The following ZMYM6 variants were observed in gnomAD, a reference collection of about 807,000 sequenced individuals.
ZMYM6 encodes zinc finger MYM-type containing 6.
In ZMYM6, 90 loss-of-function variants were observed where a neutral mutation model predicts 134.0. The observed-to-expected ratio is 0.67, with a 90% CI of 0.57 to 0.80. The LOEUF (loss-of-function observed/expected upper bound fraction) is 0.80, where lower values mean the gene tolerates loss of function less well. Ranked by LOEUF, ZMYM6 falls within the 30% of genes least tolerant of loss-of-function variation. ZMYM6 has a pLI of 0.00. For synonymous variants in ZMYM6, 481 were observed against 524.1 expected, an observed-to-expected ratio of 0.92 and a Z score of 1.12; for missense variants, 1,362 against 1,533.9, an observed-to-expected ratio of 0.89 and a Z score of 1.87.
At chr1:35,029,871 T>C (rs1641485643) in intron 2 of ZMYM6, among the ~76,000 whole-genome samples, 1 of 152,176 alleles carries the variant, frequency 6.6e-6, no homozygotes, top group African/African-American at 2.4e-5. Flanking sequence ...TCATAGTTTG[T>C]AATTATATAT....
intron 2 of ZMYM6, among the ~76,000 whole-genome samples, chr1:35,025,934 T>A (rs534867927): frequency 6.6e-6 from 1 of 152,322 alleles, no homozygotes; most frequent in South Asian, 2.1e-4. Flanking sequence ...CTCACAACAA[T>A]GTTCAAGTAT....
At position 35,011,948 on chromosome 1, in the gene ZMYM6, G is replaced by C. The variant is rs1641094140; in HGVS notation, c.1004C>G (p.Ala335Gly). 6.2e-7 allele frequency: 1 copy of C among 1,610,948 alleles called. No homozygotes were observed. ...GCTGTATATAGTTCCATTTGACATG[G>C]CTAGGTGATACTGAGGGATTGCTGA... ...KTSAIPQYHL[A>G]MSNGTIYSFC... The change falls in exon 8 of 16, where the codon GCC becomes GGC. Residue 335 changes from alanine to glycine, a missense_variant. Physicochemically the swap from Ala to Gly is moderately conservative, Grantham distance 60. Transcript: ENST00000357182.
chr1:35,005,212 G>A lies in ZMYM6; in HGVS notation c.1874C>T (p.Thr625Ile). The change falls in exon 13 of 16, where the codon ACA (threonine) becomes ATA (isoleucine). Residue 625 changes from threonine to isoleucine, a missense_variant. By Grantham distance (89) the Thr-to-Ile change is moderately conservative. This residue lies in a region of ZMYM6 where 824 missense variants were observed against 940.9 expected (regional missense o/e 0.88). Transcript: ENST00000357182. ...TELPSARTDT[T>I]PVITSVMSLA... ...TGACATCACACTGGTTATAACTGGT[G>A]TTGTATCTGTCCTTGCAGAAGGGAG... 2 of 1,614,126 alleles carry A rather than the reference G, an allele frequency of 1.2e-6. No individual in the cohort carries two copies. Among genetic ancestry groups the A allele is most frequent in the East Asian group, 2.2e-5 (1 of 44,880 alleles).
At chr1:35,016,939 A>T (rs1236979876) in intron 4 of ZMYM6, among the ~76,000 whole-genome samples, 1 of 151,936 alleles carries the variant, frequency 6.6e-6, no homozygotes, top group Non-Finnish European at 1.5e-5. Context: ...CGGGAGGTAG[A>T]GGCTGCAGTG....
chr1:35,003,829 T>C (rs1640919614), intron 14 of ZMYM6, 139 bp downstream of exon 14: 2 of 700,680 alleles, frequency 2.9e-6, no homozygotes, highest in African/African-American at 1.8e-5. Flanking sequence ...TTACTGTTAG[T>C]TGTGCCCAAG....
At chr1:35,009,782 A>G (rs1362237075) in intron 10 of ZMYM6, among the ~76,000 whole-genome samples, 1 of 151,910 alleles carries the variant, frequency 6.6e-6, no homozygotes, top group African/African-American at 2.4e-5. Flanking sequence ...CAAAAATAAA[A>G]AAAATTAGCC....
chr1:34,991,973 T>A, intron 15 of ZMYM6: 1 of 452,836 alleles, frequency 2.2e-6, no homozygotes, highest in Non-Finnish European at 4.0e-6. Flanking sequence ...TTCGCAGTAT[T>A]TAAAAAAAAA....
Position 34,987,188 on chromosome 1 carries a change from AT to A in ZMYM6, c.3893del (p.Asn1298IlefsTer9). On this transcript the variant is annotated frameshift_variant, in exon 16 of 16. Coordinates refer to ENST00000357182, the MANE Select transcript of ZMYM6 (RefSeq NM_007167.4). LOFTEE classifies it high-confidence loss of function. ...TTAGGGCAGGGCCAGAACCCAACAG[AT>A]TTTTTTGTTTTGACTCAGTCAAAGC... ...FSALTESKQK[N>X]LLGSGPALRL... 1 of 1,612,666 alleles carries A rather than the reference AT, an allele frequency of 6.2e-7. No individual in the cohort carries two copies.
intron 2 of ZMYM6, among the ~76,000 whole-genome samples, chr1:35,022,265 CTGTTT>C (rs1176809511): frequency 6.6e-6 from 1 of 152,090 alleles, no homozygotes; most frequent in Non-Finnish European, 1.5e-5. Flanking sequence ...CCCAGTCTCT[CTGTTT>C]TGTTTTTTTT....
intron 4 of ZMYM6, chr1:35,018,437 C>T (rs866741899): frequency 6.6e-6 from 1 of 151,774 alleles, no homozygotes; most frequent in Middle Eastern, 3.4e-3. Context: ...AAAATAGGGG[C>T]CTACAAGTGA....
In ZMYM6 at chr1:35,010,823, C is replaced by T. The variant is rs748001989; in HGVS notation, c.1276G>A (p.Val426Ile). Residue 426 changes from valine (V) to isoleucine (I), a missense_variant, in exon 9 of 16, where the codon GTT becomes ATT. Physicochemically the swap from Val to Ile is conservative, Grantham distance 29. This residue lies in a region of ZMYM6 where 503 missense variants were observed against 520.8 expected (regional missense o/e 0.97). Coordinates refer to ENST00000357182, the MANE Select transcript of ZMYM6 (RefSeq NM_007167.4). ...SQQVALTHTV[V>I]KLKCQHCNHL... ...TTACAGTGCTGACACTTGAGTTTAACAACTGTATGGGTTAAAGCAACTTGC... is the reference window on the plus strand; with the variant it reads ...TTACAGTGCTGACACTTGAGTTTAATAACTGTATGGGTTAAAGCAACTTGC... The T allele has an allele frequency of 2.3e-5, 37 of 1,607,216 alleles. No homozygotes were observed. In the Admixed American group the frequency reaches 6.2e-4, roughly 27 times the overall value.
intron 14 of ZMYM6, among the ~76,000 whole-genome samples, chr1:35,001,156 T>G (rs1349346558): frequency 1.3e-5 from 2 of 152,202 alleles, no homozygotes; most frequent in Non-Finnish European, 2.9e-5. Context: ...TTCCTCTTTG[T>G]AATTTTCTGT....
In ZMYM6 at chr1:34,987,661, A is replaced by G. The variant is rs1640598633; in HGVS notation, c.3421T>C (p.Cys1141Arg). The change falls in exon 16 of 16, where the codon TGT becomes CGT. Residue 1141 changes from cysteine to arginine, a missense_variant. Coordinates refer to ENST00000357182, the MANE Select transcript of ZMYM6 (RefSeq NM_007167.4). ...QGTLTTFFNL[C>R]NKIDVFKRKL... The stretch of plus-strand genomic sequence containing the variant: ...CTCTTAAATACATCAATTTTATTAC[A>G]CAAATTGAAGAAAGTAGTCAAAGTT... The G allele has an allele frequency of 6.4e-7, 1 of 1,558,450 alleles. No homozygotes were observed. The highest frequency in any genetic ancestry group is 8.7e-7 in the Non-Finnish European group (1 of 1,150,618).
chr1:35,014,899 A>C lies in ZMYM6; in HGVS notation c.604-11T>G, dbSNP rs1189825569. ...AACTTCAAATCGAGTCTAGGAAATA[A>C]ACACACACATACACACACAAAATAA... On this transcript the variant is annotated splice_polypyrimidine_tract_variant and intron_variant, in intron 5 of 15. Coordinates refer to ENST00000357182, the MANE Select transcript of ZMYM6 (RefSeq NM_007167.4). 1.9e-6 allele frequency: 3 copies of C among 1,613,646 alleles called. No individual in the cohort carries two copies. Among genetic ancestry groups the C allele is most frequent in the East Asian group, 2.2e-5 (1 of 44,876 alleles).
Position 34,987,157 on chromosome 1 carries a change from C to A in ZMYM6, c.3925G>T (p.Ala1309Ser). 6.3e-7 allele frequency: 1 copy of A among 1,589,806 alleles called. No individual in the cohort carries two copies. The highest frequency in any genetic ancestry group is 2.2e-5 in the East Asian group (1 of 44,660). ...LLGSGPALRLAVTSLIPRIEK... is the reference protein window; with the variant it reads ...LLGSGPALRLSVTSLIPRIEK... ...ATCCTTGGAATTAAAGATGTGACTGCAAGTCTTAGGGCAGGGCCAGAACCC... is the reference window on the plus strand; with the variant it reads ...ATCCTTGGAATTAAAGATGTGACTGAAAGTCTTAGGGCAGGGCCAGAACCC... The change falls in exon 16 of 16, where the codon GCA becomes TCA. Residue 1309 changes from alanine (A) to serine (S), a missense_variant. By Grantham distance (99) the Ala-to-Ser change is moderately conservative. Transcript: ENST00000357182.
chr1:35,003,925 C>T (rs748252433), intron 14 of ZMYM6, 43 bp downstream of exon 14: 2 of 1,571,608 alleles, frequency 1.3e-6, no homozygotes, highest in Admixed American at 3.4e-5. Context: ...TGAAAATAAG[C>T]CCAAGTGGCA....
chr1:35,020,698 G>A (rs556871359), intron 2 of ZMYM6, among the ~76,000 whole-genome samples: 34 of 149,564 alleles, frequency 2.3e-4, no homozygotes, highest in African/African-American at 8.1e-4. Flanking sequence ...TCAGCCACCC[G>A]AGTAGCTGGG....
At chr1:35,015,743 A>AAAATATATATATATATAT in intron 4 of ZMYM6, among the ~76,000 whole-genome samples, 1 of 106,470 alleles carries the variant, frequency 9.4e-6, no homozygotes, top group African/African-American at 6.6e-5. Flanking sequence ...AAAAAAAAAA[A>AAAATATATATATATATAT]ATATATATAT....
intron 3 of ZMYM6, 90 bp downstream of exon 3, chr1:35,020,289 GAGAA>G: frequency 8.7e-7 from 1 of 1,151,092 alleles, no homozygotes; most frequent in African/African-American, 1.5e-5. Flanking sequence ...TCTAAAGAAA[GAGAA>G]AGACATACAT....
Sources: gnomAD v4.1 joint callset for allele counts (sites outside exome capture counted in the v4.1 genomes callset) on GRCh38, gnomAD v4.1.1 for gene constraint, gnomAD v4.1.1 regional missense constraint, MANE v1.5 for transcripts, NCBI Gene and HGNC (gene_info 2026-07-23, HGNC 2026-07-21) for gene names.